Variants in RPA1 observed in about 807,000 individuals in gnomAD.
RPA1 encodes replication protein A 70 kDa DNA-binding subunit.
A neutral mutation model predicts 83.0 loss-of-function variants in RPA1; 49 were observed. That is an observed-to-expected ratio of 0.59 (90% CI 0.47 to 0.75). RPA1 has a LOEUF of 0.75. Among genes scored for constraint, RPA1 ranks in the 30% least tolerant of loss-of-function variants. RPA1 has a pLI of 0.00. For synonymous variants in RPA1, 279 were observed against 281.8 expected, an observed-to-expected ratio of 0.99 and a Z score of 0.10; for missense variants, 693 against 776.1, an observed-to-expected ratio of 0.89 and a Z score of 1.27.
chr17:1,832,314 C>G (rs1456771194), intron 1 of RPA1, among the ~76,000 whole-genome samples: 14 of 152,134 alleles, frequency 9.2e-5, no homozygotes, highest in Non-Finnish European at 1.5e-5. Flanking sequence ...CGTATCTCAG[C>G]TCATTTGTGA....
chr17:1,852,599 A>T (rs1912537656), intron 4 of RPA1, among the ~76,000 whole-genome samples: 1 of 152,240 alleles, frequency 6.6e-6, no homozygotes, highest in African/African-American at 2.4e-5. Context: ...AGGCCAGGCA[A>T]GCCATGGCCC....
intron 1 of RPA1, among the ~76,000 whole-genome samples, chr17:1,831,898 C>CTTTTTTTTT (rs138268342): frequency 1.8e-4 from 7 of 37,838 alleles, no homozygotes; most frequent in African/African-American, 6.4e-4. Flanking sequence ...TGTGCCCGGC[C>CTTTTTTTTT]TTTTTTTTTT....
Position 1,898,431 on chromosome 17 carries a change from G to T in RPA1, c.*1256G>T, listed in dbSNP as rs1914527768. On this transcript the variant is annotated 3_prime_UTR_variant, in exon 17 of 17. Transcript: ENST00000254719. The stretch of plus-strand genomic sequence containing the variant: ...CAGTCAGCAAAAGCATGCTCGCTCT[G>T]TGTGTTCCTAATCATATTAATTATC... 1 of 152,250 alleles carries T rather than the reference G, an allele frequency of 6.6e-6. No homozygotes were observed. The highest frequency in any genetic ancestry group is 1.5e-5 in the Non-Finnish European group (1 of 68,036). The allele number at this position is 152,250 out of a possible 1,614,324, so 9.4% of individuals were successfully genotyped here. A position where few individuals can be genotyped will look rare whatever the true frequency, so the allele number is the denominator to read the frequency against.
intron 7 of RPA1, among the ~76,000 whole-genome samples, 165 bp from the exon 8 acceptor site, chr17:1,877,047 A>C (rs1352514915): frequency 6.6e-6 from 1 of 152,204 alleles, no homozygotes; most frequent in Non-Finnish European, 1.5e-5. Flanking sequence ...TTATTCTGTA[A>C]ACTGTCAAAC....
At position 1,899,230 on chromosome 17, in the gene RPA1, T is replaced by G. The variant is rs771493743; in HGVS notation, c.*2055T>G. Reference sequence around the variant, plus strand: ...CAGCAGAGGAGCATCAGAAACTGGCTCCACTGTTGGGCTTTTCAGAGATTT... The same window carrying G: ...CAGCAGAGGAGCATCAGAAACTGGCGCCACTGTTGGGCTTTTCAGAGATTT... On this transcript the variant is annotated 3_prime_UTR_variant, in exon 17 of 17. Coordinates refer to ENST00000254719, the MANE Select transcript of RPA1 (RefSeq NM_002945.5). The G allele has an allele frequency of 6.5e-6, 1 of 152,924 alleles. No homozygotes were observed. The highest frequency in any genetic ancestry group is 1.5e-5 in the Non-Finnish European group (1 of 68,104). The allele number at this position is 152,924 out of a possible 1,614,324, so 9.5% of individuals were successfully genotyped here. A position where few individuals can be genotyped will look rare whatever the true frequency, so the allele number is the denominator to read the frequency against.
chr17:1,848,981 CTA>C (rs2151273459), intron 4 of RPA1, among the ~76,000 whole-genome samples: 1 of 152,268 alleles, frequency 6.6e-6, no homozygotes, highest in Non-Finnish European at 1.5e-5. Context: ...ACTAATAATT[CTA>C]TGAACATTTG....
chr17:1,842,389 T>C (rs1444642746), intron 1 of RPA1, among the ~76,000 whole-genome samples: 4 of 152,324 alleles, frequency 2.6e-5, no homozygotes, highest in African/African-American at 9.6e-5. Flanking sequence ...ATAGATTTTC[T>C]TTTGTATCAG....
intron 6 of RPA1, among the ~76,000 whole-genome samples, chr17:1,873,141 A>AG (rs1261717240): frequency 1.3e-5 from 2 of 152,206 alleles, no homozygotes; most frequent in Non-Finnish European, 2.9e-5. Context: ...TTAACTATCC[A>AG]GGACCCACTT....
rs562878257 is a variant in RPA1, at chr17:1,898,213, G to A, written c.*1038G>A. On this transcript the variant is annotated 3_prime_UTR_variant, in exon 17 of 17. Transcript: ENST00000254719. ...AGGCATGGAGATCCTTCTTCCTAGT[G>A]TTTGCAGCCCTGAAATGCATCTTTC... 6.6e-6 allele frequency: 1 copy of A among 152,282 alleles called. No individual in the cohort carries two copies. The highest frequency in any genetic ancestry group is 2.1e-4 in the South Asian group (1 of 4,824). 9.4% of individuals were successfully genotyped at this position (152,282 alleles called of 1,614,324 possible). A position where few individuals can be genotyped will look rare whatever the true frequency, so the allele number is the denominator to read the frequency against.
At position 1,888,657 on chromosome 17, in the gene RPA1, T is replaced by C; in HGVS notation, c.1375-18T>C. The C allele has an allele frequency of 6.2e-7, 1 of 1,602,614 alleles. No individual in the cohort carries two copies. ...GGGCTCGCGACTCCGTGCCTCATGC[T>C]GTTCTTTTCTCCCGAAGCCGGACTA... On this transcript the variant is annotated intron_variant, in intron 13 of 16. Coordinates refer to ENST00000254719, the MANE Select transcript of RPA1 (RefSeq NM_002945.5).
intron 1 of RPA1, among the ~76,000 whole-genome samples, chr17:1,835,038 G>C (rs1011694308): frequency 6.6e-6 from 1 of 152,008 alleles, no homozygotes; most frequent in African/African-American, 2.4e-5. Context: ...TTTTAGTAGA[G>C]ATGAGGTTTC....
At chr17:1,857,656 C>G (rs543924948) in intron 5 of RPA1, among the ~76,000 whole-genome samples, 139 of 143,186 alleles carry the variant, frequency 9.7e-4, no homozygotes, top group African/African-American at 2.8e-3. Flanking sequence ...ACCCACCCCC[C>G]ACCCGGCCCG....
chr17:1,888,918 G>A (rs1339916243), intron 14 of RPA1, 67 bp downstream of exon 14: 2 of 1,535,322 alleles, frequency 1.3e-6, no homozygotes, highest in African/African-American at 1.4e-5. Context: ...GCCAGGCACT[G>A]TGGTCACAAC....
intron 1 of RPA1, among the ~76,000 whole-genome samples, chr17:1,833,430 G>A (rs1911695034): frequency 6.6e-6 from 1 of 152,232 alleles, no homozygotes; most frequent in South Asian, 2.1e-4. Flanking sequence ...GGAACAGGAA[G>A]AACTATTGTT....
chr17:1,834,626 A>G (rs2151265604), intron 1 of RPA1, among the ~76,000 whole-genome samples: 1 of 152,372 alleles, frequency 6.6e-6, no homozygotes, highest in African/African-American at 2.4e-5. Flanking sequence ...CTTGTGGTCA[A>G]CAGAATACAT....
intron 4 of RPA1, among the ~76,000 whole-genome samples, chr17:1,849,430 C>T (rs1467306125): frequency 6.6e-6 from 1 of 151,358 alleles, no homozygotes; most frequent in Non-Finnish European, 1.5e-5. Context: ...GTAGCTGGGA[C>T]TACAGGTGCC....
At chr17:1,876,048 G>T (rs1261465062) in intron 7 of RPA1, among the ~76,000 whole-genome samples, 1 of 151,372 alleles carries the variant, frequency 6.6e-6, no homozygotes, top group Non-Finnish European at 1.5e-5. Context: ...CATTTTGAAA[G>T]AATTTGAAAT....
chr17:1,859,077 A>G (rs1002317742), intron 5 of RPA1, among the ~76,000 whole-genome samples: 1 of 151,446 alleles, frequency 6.6e-6, no homozygotes. Context: ...TAATTTTTGT[A>G]TTTTTAGTAA....
At chr17:1,837,834 T>C (rs1043811956) in intron 1 of RPA1, among the ~76,000 whole-genome samples, 2 of 152,250 alleles carry the variant, frequency 1.3e-5, no homozygotes, top group African/African-American at 4.8e-5. Context: ...TAAATATAAA[T>C]ATTACATATA....
Sources: gnomAD v4.1 joint callset for allele counts (sites outside exome capture counted in the v4.1 genomes callset) on GRCh38, gnomAD v4.1.1 for gene constraint, MANE v1.5 for transcripts, NCBI Gene and HGNC (gene_info 2026-07-23, HGNC 2026-07-21) for gene names.